DGKE: variants seen among roughly 807,000 people sequenced by gnomAD.
DGKE encodes the protein DAG kinase epsilon.
DGKE carries 53 observed loss-of-function variants against 70.0 expected under a neutral mutation model. The ratio of observed to expected loss-of-function variants is 0.76; its 90% CI spans 0.61 to 0.95. DGKE has a LOEUF of 0.95. Among genes scored for constraint, DGKE ranks in the 40% least tolerant of loss-of-function variants. The pLI is 0.00. For synonymous variants in DGKE, 291 were observed against 257.0 expected, an observed-to-expected ratio of 1.13 and a Z score of -1.27; for missense variants, 655 against 706.9, an observed-to-expected ratio of 0.93 and a Z score of 0.83.
At chr17:56,856,369 A>G in intron 7 of DGKE, 143 bp from the exon 8 acceptor site, 1 of 851,038 alleles carries the variant, frequency 1.2e-6, no homozygotes, top group Non-Finnish European at 1.8e-6. Flanking sequence ...ACTTCACTGG[A>G]CAGTATAAAA....
chr17:56,846,031 A>G (rs1219076820), intron 4 of DGKE: 1 of 337,512 alleles, frequency 3.0e-6, no homozygotes, highest in Non-Finnish European at 5.2e-6. Context: ...AGATAAATAT[A>G]AATTTATTAT....
intron 8 of DGKE, among the ~76,000 whole-genome samples, chr17:56,857,026 A>G (rs1369184003): frequency 6.6e-6 from 1 of 151,942 alleles, no homozygotes; most frequent in Non-Finnish European, 1.5e-5. Flanking sequence ...TGAAACCAGG[A>G]GGCAAAAGTT....
chr17:56,862,760 C>T lies in DGKE; in HGVS notation c.1673C>T (p.Ser558Leu), dbSNP rs780529593. Residue 558 changes from serine to leucine, a missense_variant, in exon 12 of 12, where the codon TCG becomes TTG. Physicochemically the swap from Ser to Leu is moderately radical, Grantham distance 145. Transcript: ENST00000284061. Reference sequence around the variant, plus strand: ...ACAGATGATGACATCTCTAGTACTTCGGATCAAGAAGATATAAAGGCGACT... The same window carrying T: ...ACAGATGATGACATCTCTAGTACTTTGGATCAAGAAGATATAAAGGCGACT... ...EQTDDDISST[S>L]DQEDIKATE The T allele has an allele frequency of 6.3e-6, 10 of 1,587,080 alleles. No homozygotes were observed. Among genetic ancestry groups the T allele is most frequent in the Admixed American group, 1.9e-5 (1 of 52,608 alleles).
At chr17:56,845,639 C>T (rs373129777) in intron 3 of DGKE, 51 bp from the exon 4 acceptor site, 72 of 1,545,768 alleles carry the variant, frequency 4.7e-5, no homozygotes, top group African/African-American at 9.8e-5. Flanking sequence ...GGAAAATGTG[C>T]TTTTCATCTT....
chr17:56,860,457 A>G (rs1908226052), intron 9 of DGKE, among the ~76,000 whole-genome samples: 1 of 152,338 alleles, frequency 6.6e-6, no homozygotes, highest in Non-Finnish European at 1.5e-5. Flanking sequence ...TGAACCCAGC[A>G]GGCAGAGGCT....
At chr17:56,834,747 G>T (rs1227579176) in intron 1 of DGKE, 31 bp from the exon 2 acceptor site, 1 of 1,528,220 alleles carries the variant, frequency 6.5e-7, no homozygotes, top group Admixed American at 1.9e-5. Context: ...TGGCGAGCTC[G>T]GGGTGCACCG....
chr17:56,847,730 G>T, intron 4 of DGKE, 192 bp from the exon 5 acceptor site: 1 of 302,510 alleles, frequency 3.3e-6, no homozygotes, highest in Non-Finnish European at 6.0e-6. Flanking sequence ...GCTAACTCTT[G>T]CTTTGTAAAG....
At chr17:56,856,435 A>G in intron 7 of DGKE, 77 bp from the exon 8 acceptor site, 1 of 1,446,354 alleles carries the variant, frequency 6.9e-7, no homozygotes, top group Non-Finnish European at 9.3e-7. Flanking sequence ...GAACACAAAG[A>G]CTAAGATTGA....
At position 56,849,211 on chromosome 17, in the gene DGKE, C is replaced by T. The variant is rs1348297571; in HGVS notation, c.1077C>T (p.Tyr359=). 6.2e-7 allele frequency: 1 copy of T among 1,608,924 alleles called. No homozygotes were observed. Among genetic ancestry groups the T allele is most frequent in the African/African-American group, 1.3e-5 (1 of 74,634 alleles). ...AAGTTCAAGTAACAAATAAAGGATA[C>T]TACAACTTAAGAAAACCCAAGGTAT... ...RWKVQVTNKG[Y]YNLRKPKEFT... is the part of the protein sequence containing the mutation. The change falls in exon 7 of 12, where the codon TAC becomes TAT. Residue 359 remains tyrosine, a synonymous_variant. Coordinates refer to ENST00000284061, the MANE Select transcript of DGKE (RefSeq NM_003647.3).
At position 56,848,716 on chromosome 17, in the gene DGKE, A is replaced by C; in HGVS notation, c.909A>C (p.Pro303=). The C allele has an allele frequency of 6.2e-7, 1 of 1,614,172 alleles. No individual in the cohort carries two copies. Among genetic ancestry groups the C allele is most frequent in the African/African-American group, 1.3e-5 (1 of 75,066 alleles). The part of the protein sequence containing the change: ...MKIKGQEKYI[P]QVAVLPLGTG... ...TCTAGGGACAAGAAAAGTACATTCCACAAGTTGCAGTTTTGCCTCTGGGAA... is the reference window on the plus strand; with the variant it reads ...TCTAGGGACAAGAAAAGTACATTCCCCAAGTTGCAGTTTTGCCTCTGGGAA... The change falls in exon 6 of 12, where the codon CCA becomes CCC. Residue 303 remains proline, a synonymous_variant. Transcript: ENST00000284061.
At chr17:56,849,526 C>CAA (rs1907523435) in intron 7 of DGKE, among the ~76,000 whole-genome samples, 1 of 152,030 alleles carries the variant, frequency 6.6e-6, no homozygotes, top group Non-Finnish European at 1.5e-5. Flanking sequence ...TGAGAGAGTG[C>CAA]AAAGCATGGT....
chr17:56,835,356 C>T (rs1265265323), intron 2 of DGKE, 97 bp downstream of exon 2: 6 of 1,275,410 alleles, frequency 4.7e-6, no homozygotes, highest in East Asian at 2.4e-5. Context: ...CTGCTGATGA[C>T]CTAAACTCAT....
At chr17:56,858,924 C>A (rs111819191) in intron 9 of DGKE, among the ~76,000 whole-genome samples, 3 of 152,116 alleles carry the variant, frequency 2.0e-5, no homozygotes. Context: ...TGCCCAAATT[C>A]TCTCATTTAA....
intron 6 of DGKE, 125 bp from the exon 7 acceptor site, chr17:56,849,056 C>A: frequency 8.4e-7 from 1 of 1,190,476 alleles, no homozygotes; most frequent in South Asian, 1.5e-5. Flanking sequence ...CCTAAATTTG[C>A]ATGCTCATAT....
chr17:56,856,874 G>A (rs1229074588), intron 8 of DGKE, among the ~76,000 whole-genome samples: 1 of 151,958 alleles, frequency 6.6e-6, no homozygotes, highest in Non-Finnish European at 1.5e-5. Context: ...GGAGGCAGGT[G>A]GATCACTTGA....
chr17:56,844,022 C>T lies in DGKE; in HGVS notation c.468C>T (p.Cys156=). Residue 156 remains cysteine (C), a synonymous_variant, in exon 3 of 12, where the codon TGC becomes TGT. Coordinates refer to ENST00000284061, the MANE Select transcript of DGKE (RefSeq NM_003647.3). ...GCQPKLCDYR[C]IWCQKTVHDE... The stretch of plus-strand genomic sequence containing the variant: ...GCTTGTTTCTTCCTTCCCTCAGGTG[C>T]ATTTGGTGCCAGAAAACAGTACATG... The T allele has an allele frequency of 6.5e-7, 1 of 1,536,066 alleles. No homozygotes were observed. The highest frequency in any genetic ancestry group is 8.7e-7 in the Non-Finnish European group (1 of 1,149,154).
chr17:56,849,337 G>A (rs768405881), intron 7 of DGKE, 105 bp downstream of exon 7: 7 of 1,026,704 alleles, frequency 6.8e-6, no homozygotes, highest in East Asian at 2.4e-5. Flanking sequence ...AAGGGAGCTG[G>A]CTGTGGAGCA....
At chr17:56,837,991 TTTC>T (rs982111455) in intron 2 of DGKE, among the ~76,000 whole-genome samples, 53 of 152,344 alleles carry the variant, frequency 3.5e-4, no homozygotes, top group Middle Eastern at 6.8e-3. Context: ...ACATCTTCTT[TTTC>T]TTCTTCTTAT....
At chr17:56,856,405 A>G (rs975677008) in intron 7 of DGKE, 107 bp from the exon 8 acceptor site, 1 of 1,230,836 alleles carries the variant, frequency 8.1e-7, no homozygotes, top group Non-Finnish European at 1.1e-6. Flanking sequence ...TAAATGCAGA[A>G]AGCATCTCCA....
Sources: gnomAD v4.1 joint callset for allele counts (sites outside exome capture counted in the v4.1 genomes callset) on GRCh38, gnomAD v4.1.1 for gene constraint, MANE v1.5 for transcripts, NCBI Gene and HGNC (gene_info 2026-07-23, HGNC 2026-07-21) for gene names.